NTRK3: variants seen among roughly 807,000 people sequenced by gnomAD.
NTRK3 encodes NT-3 growth factor receptor.
A neutral mutation model predicts 91.7 loss-of-function variants in NTRK3; 24 were observed. The ratio of observed to expected loss-of-function variants is 0.26; its 90% CI spans 0.19 to 0.37. The LOEUF is 0.37. Ranked by LOEUF, NTRK3 falls within the 10% of genes least tolerant of loss-of-function variation. The pLI, the probability that NTRK3 is intolerant of heterozygous loss-of-function variation, is 1.00. For missense variants in NTRK3, 880 were observed against 1,068.9 expected (o/e 0.82, Z 2.46); for synonymous variants, 483 against 404.0 (o/e 1.20, Z -2.34).
intron 3 of NTRK3, among the ~76,000 whole-genome samples, chr15:88,228,000 C>T (rs1196135636): frequency 6.6e-6 from 1 of 152,200 alleles, no homozygotes; most frequent in East Asian, 1.9e-4. Context: ...AATTCACTAA[C>T]CTGCAGGCCT....
chr15:87,925,715 G>A (rs1341132818), intron 17 of NTRK3: 3 of 183,834 alleles, frequency 1.6e-5, no homozygotes, highest in African/African-American at 7.1e-5. Context: ...TTAGCTCTAG[G>A]ATTCATGAGC....
intron 17 of NTRK3, among the ~76,000 whole-genome samples, chr15:87,902,143 C>T (rs1414154481): frequency 6.6e-6 from 1 of 152,212 alleles, no homozygotes; most frequent in African/African-American, 2.4e-5. Context: ...CCAGAGAGCA[C>T]TCATAAAGAT....
intron 14 of NTRK3, among the ~76,000 whole-genome samples, chr15:87,986,751 T>C (rs564090944): frequency 6.6e-6 from 1 of 152,264 alleles, no homozygotes; most frequent in Non-Finnish European, 1.5e-5. Context: ...CACACATATC[T>C]GTATGCACAT....
At chr15:88,019,952 C>T (rs912477820) in intron 14 of NTRK3, among the ~76,000 whole-genome samples, 3 of 152,152 alleles carry the variant, frequency 2.0e-5, no homozygotes, top group African/African-American at 7.2e-5. Context: ...GACATATGTA[C>T]ATTTGTGTCT....
intron 14 of NTRK3, among the ~76,000 whole-genome samples, chr15:87,984,795 C>T (rs77826241): frequency 0.03 from 4,535 of 152,268 alleles, 243 homozygotes; most frequent in African/African-American, 0.1. Flanking sequence ...GCCAGAATTA[C>T]TGCACAGTGA....
chr15:88,126,568 C>T (rs1311590557), intron 12 of NTRK3, among the ~76,000 whole-genome samples, 195 bp from the exon 13 acceptor site: 1 of 152,126 alleles, frequency 6.6e-6, no homozygotes, highest in Non-Finnish European at 1.5e-5. Context: ...ATATAAATTA[C>T]CCAATTTGAT....
At chr15:88,180,496 T>C (rs1300536080) in intron 5 of NTRK3, among the ~76,000 whole-genome samples, 1 of 152,164 alleles carries the variant, frequency 6.6e-6, no homozygotes, top group Non-Finnish European at 1.5e-5. Flanking sequence ...CAAAACTTTG[T>C]CAATTCATTT....
intron 17 of NTRK3, among the ~76,000 whole-genome samples, chr15:87,920,176 T>C (rs759207557): frequency 6.6e-6 from 1 of 152,200 alleles, no homozygotes; most frequent in Non-Finnish European, 1.5e-5. Flanking sequence ...GTGACTGATA[T>C]TTTGTAGATA....
At chr15:87,935,877 G>A (rs1177202469) in intron 15 of NTRK3, among the ~76,000 whole-genome samples, 1 of 152,214 alleles carries the variant, frequency 6.6e-6, no homozygotes, top group Non-Finnish European at 1.5e-5. Context: ...ATTACTTTCA[G>A]TCTTCTACAT....
intron 3 of NTRK3, among the ~76,000 whole-genome samples, chr15:88,236,115 A>G (rs2051703319): frequency 6.6e-6 from 1 of 152,224 alleles, no homozygotes; most frequent in Non-Finnish European, 1.5e-5. Flanking sequence ...AGAGAAATGA[A>G]AGCCTACGTT....
At chr15:88,148,573 G>C (rs1193759569) in intron 5 of NTRK3, among the ~76,000 whole-genome samples, 2 of 152,112 alleles carry the variant, frequency 1.3e-5, no homozygotes, top group African/African-American at 4.8e-5. Flanking sequence ...GAGATCCAGA[G>C]GACCAGGAAG....
At chr15:87,868,657 A>G (rs1157572114) in exon 19 of NTRK3, 1 of 220,264 alleles carries the variant, frequency 4.5e-6, no homozygotes, top group Admixed American at 5.8e-5. Context: ...GGATGTAATC[A>G]ATGGCCCTAT....
At chr15:88,082,474 GA>G (rs1262410337) in intron 13 of NTRK3, among the ~76,000 whole-genome samples, 1 of 152,116 alleles carries the variant, frequency 6.6e-6, no homozygotes. Flanking sequence ...TGAAAATGCA[GA>G]ACGTTTCCAG....
chr15:87,970,180 C>G (rs142663597), intron 14 of NTRK3, among the ~76,000 whole-genome samples: 1 of 152,254 alleles, frequency 6.6e-6, no homozygotes, highest in East Asian at 1.9e-4. Flanking sequence ...GACTGGGATC[C>G]GGGTCTTCAT....
At chr15:88,039,126 C>G (rs1374943609) in intron 13 of NTRK3, among the ~76,000 whole-genome samples, 1 of 88,740 alleles carries the variant, frequency 1.1e-5, no homozygotes, top group African/African-American at 3.5e-5. Flanking sequence ...TCAACACACA[C>G]ACACACACAC....
At chr15:88,221,657 A>G (rs1335675238) in intron 3 of NTRK3, among the ~76,000 whole-genome samples, 2 of 152,180 alleles carry the variant, frequency 1.3e-5, no homozygotes, top group Non-Finnish European at 2.9e-5. Flanking sequence ...AAAATTAAAT[A>G]ATAAAAATGA....
chr15:87,897,698 T>A (rs2066209686), intron 17 of NTRK3, among the ~76,000 whole-genome samples: 1 of 152,220 alleles, frequency 6.6e-6, no homozygotes, highest in Non-Finnish European at 1.5e-5. Flanking sequence ...ATAGCTCAGG[T>A]ACTGAGAGTT....
chr15:88,239,947 G>A (rs1207354505), intron 3 of NTRK3, among the ~76,000 whole-genome samples: 4 of 152,048 alleles, frequency 2.6e-5, no homozygotes, highest in South Asian at 2.1e-4. Context: ...GGGGCCCAGC[G>A]GTCGGTGTTT....
rs192095510 is a variant in NTRK3 at position 88,007,405 on chromosome 15, A to G, written c.1585+25452T>C. Among the ~76,000 whole-genome samples, 11 of 152,240 alleles carry G rather than the reference A, an allele frequency of 7.2e-5. No homozygotes were observed. The East Asian group carries it at 2.1e-3, about 29-fold the overall frequency. ...GACCAGGGAATGGGTCCCCAAAAAG[A>G]TGATTCTTGGGCCAGGATAGGACAA... On this transcript the variant is annotated intron_variant, in intron 14 of 18. Coordinates refer to ENST00000394480, the Ensembl canonical transcript of NTRK3.
Sources: gnomAD v4.1 joint callset for allele counts (sites outside exome capture counted in the v4.1 genomes callset) on GRCh38, gnomAD v4.1.1 for gene constraint, MANE v1.5 for transcripts, NCBI Gene and HGNC (gene_info 2026-07-23, HGNC 2026-07-21) for gene names.